Variants in EYS observed in about 807,000 individuals in gnomAD.
The protein encoded by EYS is protein eyes shut homolog.
EYS carries 250 observed loss-of-function variants against 282.1 expected under a neutral mutation model. The observed-to-expected ratio is 0.89, with a 90% CI of 0.80 to 0.98. The LOEUF (loss-of-function observed/expected upper bound fraction) is 0.98, where lower values mean the gene tolerates loss of function less well. Among genes scored for constraint, EYS ranks in the 50% least tolerant of loss-of-function variants. EYS has a pLI of 0.00. For missense variants in EYS, 4,016 were observed against 3,709.0 expected (o/e 1.08, Z -2.15); for synonymous variants, 1,355 against 1,282.9 (o/e 1.06, Z -1.20).
At chr6:64,332,394 T>C (rs1770680649) in intron 29 of EYS, among the ~76,000 whole-genome samples, 1 of 152,172 alleles carries the variant, frequency 6.6e-6, no homozygotes, top group South Asian at 2.1e-4. Context: ...TACCTGTTAG[T>C]CTCACAGATG....
At chr6:64,448,976 C>G (rs556943521) in intron 26 of EYS, among the ~76,000 whole-genome samples, 1 of 152,146 alleles carries the variant, frequency 6.6e-6, no homozygotes, top group Non-Finnish European at 1.5e-5. Context: ...AACGCAGCTC[C>G]TCACCAGCAA....
chr6:64,084,450 C>T (rs1772079188), intron 31 of EYS, among the ~76,000 whole-genome samples: 1 of 152,180 alleles, frequency 6.6e-6, no homozygotes, highest in Non-Finnish European at 1.5e-5. Context: ...TTTTTAAGAG[C>T]TGGAGTGAGA....
chr6:65,525,156 AT>A (rs1161673980), intron 2 of EYS, among the ~76,000 whole-genome samples: 1 of 151,692 alleles, frequency 6.6e-6, no homozygotes, highest in Non-Finnish European at 1.5e-5. Flanking sequence ...TTCTAAACCC[AT>A]TTTAAAGTCA....
intron 24 of EYS, among the ~76,000 whole-genome samples, chr6:64,608,899 G>A (rs1475779759): frequency 1.3e-5 from 2 of 152,154 alleles, no homozygotes; most frequent in African/African-American, 2.4e-5. Flanking sequence ...CAGAGATGGA[G>A]GGGACAGAGG....
rs1583194104 is a variant in EYS, at chr6:64,822,549, G to A, written c.3164+102C>T. On this transcript the variant is annotated intron_variant, in intron 20 of 42. Transcript: ENST00000503581. Reference sequence around the variant, plus strand: ...TACTTAGCTCTTGTTTTATGAAAGAGCATAATTAAAATTATCTTTATCAAC... The same window carrying A: ...TACTTAGCTCTTGTTTTATGAAAGAACATAATTAAAATTATCTTTATCAAC... The A allele has an allele frequency of 2.4e-5, 24 of 992,096 alleles. 1 individual carries two copies. The South Asian group carries it at 3.7e-4, about 15-fold the overall frequency. 61.5% of individuals were successfully genotyped at this position (992,096 alleles called of 1,614,324 possible). A position where few individuals can be genotyped will look rare whatever the true frequency, so the allele number is the denominator to read the frequency against.
intron 12 of EYS, among the ~76,000 whole-genome samples, chr6:65,266,793 C>T (rs1008993071): frequency 2.6e-5 from 4 of 151,078 alleles, no homozygotes; most frequent in Admixed American, 6.6e-5. Flanking sequence ...TTAATTTCTA[C>T]TTAAGCTACT....
intron 19 of EYS, among the ~76,000 whole-genome samples, chr6:64,871,356 G>T (rs1045057482): frequency 2.0e-5 from 3 of 151,334 alleles, no homozygotes; most frequent in Non-Finnish European, 4.4e-5. Context: ...TTTGGTCACA[G>T]AGTGGAAAGT....
At chr6:63,887,370 T>C in intron 35 of EYS, among the ~76,000 whole-genome samples, 1 of 135,146 alleles carries the variant, frequency 7.4e-6, no homozygotes. Context: ...CCAGGCAAGA[T>C]AGCCAAATAG....
intron 8 of EYS, among the ~76,000 whole-genome samples, chr6:65,375,644 G>C (rs1765337068): frequency 6.6e-6 from 1 of 151,984 alleles, no homozygotes; most frequent in Non-Finnish European, 1.5e-5. Flanking sequence ...AAGGATACAG[G>C]AATTGCTAAC....
intron 12 of EYS, among the ~76,000 whole-genome samples, chr6:65,286,854 T>A (rs1442749284): frequency 1.3e-5 from 2 of 151,650 alleles, no homozygotes; most frequent in African/African-American, 4.8e-5. Flanking sequence ...AAGTAGTGAA[T>A]GGGGTTTTAG....
In EYS at chr6:64,617,346, A is replaced by G. The variant is rs571801041; in HGVS notation, c.3684+72T>C. 5 of 980,440 alleles carry G rather than the reference A, an allele frequency of 5.1e-6. No homozygotes were observed. The Admixed American group carries it at 1.0e-4, about 20-fold the overall frequency. The allele number at this position is 980,440 out of a possible 1,614,324, so 60.7% of individuals were successfully genotyped here. On this transcript the variant is annotated intron_variant, in intron 24 of 42. Transcript: ENST00000503581. ...ACTCCGACCTTATTTTTCACCATAT[A>G]ATTTTCTACTATTTACTGTGTATCA...
At chr6:64,140,483 G>A (rs563065630) in intron 31 of EYS, among the ~76,000 whole-genome samples, 8 of 152,114 alleles carry the variant, frequency 5.3e-5, no homozygotes, top group Non-Finnish European at 1.0e-4. Flanking sequence ...TCATCCCAAG[G>A]AGGTGGACCT....
intron 35 of EYS, among the ~76,000 whole-genome samples, chr6:63,866,075 C>T (rs1482742943): frequency 1.3e-5 from 2 of 152,080 alleles, no homozygotes; most frequent in Admixed American, 6.5e-5. Flanking sequence ...AATTATATAT[C>T]GATGCCCCTA....
At chr6:65,118,559 G>C (rs536993547) in intron 12 of EYS, among the ~76,000 whole-genome samples, 1 of 152,226 alleles carries the variant, frequency 6.6e-6, no homozygotes, top group South Asian at 2.1e-4. Context: ...AAGCTGGCTG[G>C]ATATCCCACC....
chr6:64,513,621 A>G (rs548588200), intron 26 of EYS, among the ~76,000 whole-genome samples: 35 of 152,086 alleles, frequency 2.3e-4, no homozygotes, highest in African/African-American at 8.4e-4. Context: ...AAGGCAAGAA[A>G]GAACGACTTT....
chr6:64,494,014 T>C (rs1341533496), intron 26 of EYS, among the ~76,000 whole-genome samples: 1 of 151,616 alleles, frequency 6.6e-6, no homozygotes, highest in Non-Finnish European at 1.5e-5. Context: ...GTGAGCTGCA[T>C]GGCCAACAGT....
At chr6:65,380,648 G>A (rs962968663) in intron 8 of EYS, among the ~76,000 whole-genome samples, 1 of 152,092 alleles carries the variant, frequency 6.6e-6, no homozygotes, top group Non-Finnish European at 1.5e-5. Context: ...AAGAGCTTCT[G>A]CTCAGCAAAA....
chr6:64,102,326 A>G (rs929478253), intron 31 of EYS, among the ~76,000 whole-genome samples: 7 of 152,346 alleles, frequency 4.6e-5, no homozygotes, highest in Middle Eastern at 3.4e-3. Flanking sequence ...GATTTTTTGA[A>G]GAGTAAATTT....
At chr6:64,647,526 T>C (rs1175618409) in intron 22 of EYS, among the ~76,000 whole-genome samples, 1 of 152,190 alleles carries the variant, frequency 6.6e-6, no homozygotes, top group Admixed American at 6.5e-5. Context: ...ACAGATTTTC[T>C]ATATGTATAA....
Sources: gnomAD v4.1 joint callset for allele counts (sites outside exome capture counted in the v4.1 genomes callset) on GRCh38, gnomAD v4.1.1 for gene constraint, MANE v1.5 for transcripts, NCBI Gene and HGNC (gene_info 2026-07-23, HGNC 2026-07-21) for gene names.